Variants in STMN1 observed in about 807,000 individuals in gnomAD.
The protein encoded by STMN1 is stathmin 1, also known as stathmin.
STMN1 carries 3 observed loss-of-function variants against 19.7 expected under a neutral mutation model. That is an observed-to-expected ratio of 0.15 (90% confidence interval 0.07 to 0.39). STMN1 has a LOEUF of 0.39. STMN1 is among the 10% of genes least tolerant of loss of function. The pLI is 1.00. For missense variants in STMN1, 99 were observed against 176.0 expected (o/e 0.56, Z 2.48); for synonymous variants, 59 against 58.9 (o/e 1.00, Z -0.01).
intron 4 of STMN1, among the ~76,000 whole-genome samples, chr1:25,887,763 T>C (rs995997120): frequency 2.6e-5 from 4 of 152,230 alleles, no homozygotes; most frequent in African/African-American, 7.2e-5. Flanking sequence ...CTTGGCTCAC[T>C]GTAACCTCCG....
intron 4 of STMN1, 68 bp from the exon 5 acceptor site, chr1:25,901,155 A>G: frequency 1.3e-6 from 2 of 1,560,132 alleles, no homozygotes; most frequent in Non-Finnish European, 1.7e-6. Context: ...TCAAGTCACG[A>G]CCCCCAGCCC....
downstream of STMN1, among the ~76,000 whole-genome samples, chr1:25,896,223 C>T (rs145689092): frequency 1.3e-5 from 2 of 152,326 alleles, no homozygotes; most frequent in East Asian, 3.9e-4. Context: ...TACTTCTCGC[C>T]TATGGAATGG....
chr1:25,897,563 A>T (rs1640831933), downstream of STMN1, among the ~76,000 whole-genome samples: 1 of 152,136 alleles, frequency 6.6e-6, no homozygotes, highest in Admixed American at 6.5e-5. Flanking sequence ...ACTCCAAGGC[A>T]TGCAAGGATA....
intron 4 of STMN1, among the ~76,000 whole-genome samples, chr1:25,890,666 A>G (rs1165596872): frequency 2.0e-5 from 3 of 152,206 alleles, no homozygotes; most frequent in Admixed American, 6.5e-5. Flanking sequence ...AGAGCCAGGT[A>G]GTCATCTAGC....
downstream of STMN1, among the ~76,000 whole-genome samples, chr1:25,897,811 G>C (rs142724207): frequency 6.6e-6 from 1 of 152,320 alleles, no homozygotes; most frequent in African/African-American, 2.4e-5. Flanking sequence ...CTATGGTGGA[G>C]AAAATGAACA....
chr1:25,897,344 C>G (rs536790057), downstream of STMN1, among the ~76,000 whole-genome samples: 14 of 151,122 alleles, frequency 9.3e-5, no homozygotes, highest in South Asian at 2.3e-3. Context: ...AAAAATTTGG[C>G]CTTTATCTTC....
chr1:25,904,158 T>A (rs889540519), intron 2 of STMN1, among the ~76,000 whole-genome samples: 5 of 151,648 alleles, frequency 3.3e-5, no homozygotes, highest in Admixed American at 2.6e-4. Flanking sequence ...ACAAAAAAAA[T>A]TTTTTTTGAT....
downstream of STMN1, among the ~76,000 whole-genome samples, chr1:25,897,267 C>T (rs938771673): frequency 5.4e-5 from 8 of 147,442 alleles, no homozygotes; most frequent in Non-Finnish European, 8.9e-5. Flanking sequence ...GAGCCAAGAT[C>T]GTGCCACTGC....
At chr1:25,887,867 A>C (rs1195215076) in intron 4 of STMN1, among the ~76,000 whole-genome samples, 2 of 152,132 alleles carry the variant, frequency 1.3e-5, no homozygotes, top group Non-Finnish European at 2.9e-5. Flanking sequence ...TTGTATTTTT[A>C]ATAGAGACGG....
chr1:25,891,441 A>T (rs1302115829), intron 4 of STMN1, among the ~76,000 whole-genome samples: 1 of 152,130 alleles, frequency 6.6e-6, no homozygotes, highest in Non-Finnish European at 1.5e-5. Flanking sequence ...AAAAGAGAGG[A>T]GGGAGAAATG....
downstream of STMN1, among the ~76,000 whole-genome samples, chr1:25,895,318 G>A (rs1177190460): frequency 1.3e-5 from 2 of 151,910 alleles, no homozygotes; most frequent in African/African-American, 4.8e-5. Flanking sequence ...GTGTTAGCCA[G>A]GATGGTCTCA....
At chr1:25,890,728 C>T (rs1427958553) in intron 4 of STMN1, among the ~76,000 whole-genome samples, 1 of 152,164 alleles carries the variant, frequency 6.6e-6, no homozygotes, top group Non-Finnish European at 1.5e-5. Flanking sequence ...GTAGGTCGGC[C>T]AGGGTCTACG....
At chr1:25,889,049 CAAT>C (rs2048748808) in intron 4 of STMN1, 1 of 488,758 alleles carries the variant, frequency 2.0e-6, no homozygotes, top group Non-Finnish European at 4.1e-6. Flanking sequence ...TGAAAACTGG[CAAT>C]AAAATCAGGT....
At chr1:25,904,642 A>AT (rs1173774174) in intron 2 of STMN1, 22 bp downstream of exon 2, 1 of 1,611,006 alleles carries the variant, frequency 6.2e-7, no homozygotes, top group Non-Finnish European at 8.5e-7. Flanking sequence ...ACAATTTCAG[A>AT]TTTTCCAAAT....
intron 2 of STMN1, 126 bp downstream of exon 2, chr1:25,904,538 C>T (rs1345336495): frequency 3.6e-5 from 27 of 753,302 alleles, no homozygotes; most frequent in Non-Finnish European, 5.6e-5. Context: ...AATTCTTCTC[C>T]TATTCATAAA....
chr1:25,903,216 TA>T (rs1257956083), intron 3 of STMN1: 1 of 157,942 alleles, frequency 6.3e-6, no homozygotes, highest in Non-Finnish European at 1.4e-5. Context: ...ACTAGCAATT[TA>T]AAATGTTATT....
intron 3 of STMN1, chr1:25,902,510 T>C (rs1274492914): frequency 1.3e-5 from 2 of 152,232 alleles, no homozygotes; most frequent in African/African-American, 4.8e-5. Flanking sequence ...AGACCATACC[T>C]TGGTATGACC....
intron 1 of STMN1, chr1:25,905,275 T>A (rs2048925487): frequency 6.6e-6 from 1 of 152,308 alleles, no homozygotes; most frequent in Non-Finnish European, 1.5e-5. Context: ...TTTATGAACC[T>A]CTAGATTTTG....
Position 25,901,064 on chromosome 1 carries a change from C to G in STMN1, c.402G>C (p.Arg134=). The G allele has an allele frequency of 1.2e-6, 2 of 1,611,650 alleles. No individual in the cohort carries two copies. The highest frequency in any genetic ancestry group is 1.7e-6 in the Non-Finnish European group (2 of 1,179,098). Residue 134 remains arginine (R), a synonymous_variant, in exon 5 of 5, where the codon CGG becomes CGC. Transcript: ENST00000455785. ...REKDKHIEEV[R]KNKESKDPAD... is the part of the protein sequence containing the mutation. The stretch of plus-strand genomic sequence containing the variant: ...CAGGGTCTTTGGATTCTTTGTTCTT[C>G]CGCACTTCTTCAATGTGCTTATCCT...
Sources: allele counts gnomAD v4.1 joint callset (sites outside exome capture counted in the v4.1 genomes callset), GRCh38; gene constraint gnomAD v4.1.1; transcripts MANE v1.5; gene names NCBI Gene and HGNC (gene_info 2026-07-23, HGNC 2026-07-21).